Variants in CLHC1 observed in about 807,000 individuals in gnomAD.
CLHC1 encodes the protein clathrin heavy chain linker domain containing 1, also known as clathrin heavy chain linker domain-containing protein 1.
Under a neutral mutation model 69.5 loss-of-function variants are expected in CLHC1, and 72 were observed. The observed-to-expected ratio is 1.04, with a 90% CI of 0.86 to 1.26. The LOEUF (loss-of-function observed/expected upper bound fraction) is 1.26. Among genes scored for constraint, CLHC1 ranks in the 50% most tolerant of loss-of-function variants. The probability of loss-of-function intolerance (pLI) is 0.00; values close to 1 mark genes in which losing one functional copy is unlikely to be tolerated. For synonymous variants in CLHC1, 223 were observed against 224.3 expected (o/e 0.99, Z 0.05); for missense variants, 790 against 679.3 (o/e 1.16, Z -1.81).
At chr2:55,182,553 C>T (rs1255156133) in intron 9 of CLHC1, among the ~76,000 whole-genome samples, 1 of 152,070 alleles carries the variant, frequency 6.6e-6, no homozygotes, top group Non-Finnish European at 1.5e-5. Flanking sequence ...TATCTTATTT[C>T]CTAGATTTTT....
Position 55,222,339 on chromosome 2 carries a change from C to A in CLHC1, c.73G>T (p.Glu25Ter). ...IICRSDKEFLESVQRYIITET... is the reference protein window; with the variant it reads ...IICRSDKEFL ...GTAATTATGTATCTTTGCACACTTT[C>A]CAAAAATTCCTTGTCACTTCTACAA... The change falls in exon 3 of 13, where the codon GAA becomes TAA. Residue 25 changes from glutamate (E) to a stop codon, truncating the protein, a stop_gained. Coordinates refer to ENST00000401408, the MANE Select transcript of CLHC1 (RefSeq NM_152385.4). LOFTEE classifies it high-confidence loss of function. The A allele has an allele frequency of 1.2e-6, 2 of 1,613,770 alleles. No homozygotes were observed. Among genetic ancestry groups the A allele is most frequent in the East Asian group, 2.2e-5 (1 of 44,848 alleles).
At chr2:55,214,141 G>A (rs766772681) in intron 4 of CLHC1, among the ~76,000 whole-genome samples, 8 of 152,186 alleles carry the variant, frequency 5.3e-5, no homozygotes, top group Non-Finnish European at 8.8e-5. Flanking sequence ...AAGGGTTCAG[G>A]AGAGCCTGAG....
At position 55,209,396 on chromosome 2, in the gene CLHC1, T is replaced by C; in HGVS notation, c.814+8A>G. The C allele has an allele frequency of 6.5e-7, 1 of 1,528,978 alleles. No homozygotes were observed. The highest frequency in any genetic ancestry group is 1.4e-5 in the African/African-American group (1 of 72,128). 94.7% of individuals were successfully genotyped at this position (1,528,978 alleles called of 1,614,324 possible). A position where few individuals can be genotyped will look rare whatever the true frequency, so the allele number is the denominator to read the frequency against. ...ATTGGTACTAATTTAAAAATATAGA[T>C]AATCTACCTTGTAAATATTTGGTTT... On this transcript the variant is annotated splice_region_variant and intron_variant, in intron 7 of 12. Transcript: ENST00000401408.
intron 3 of CLHC1, 108 bp from the exon 4 acceptor site, chr2:55,218,106 A>C: frequency 1.8e-6 from 1 of 556,650 alleles, no homozygotes; most frequent in Non-Finnish European, 2.9e-6. Context: ...AAACATGATT[A>C]GCAATTAGAA....
At position 55,175,775 on chromosome 2, in the gene CLHC1, G is replaced by C. The variant is rs568660708; in HGVS notation, c.*15C>G. 6.2e-7 allele frequency: 1 copy of C among 1,603,926 alleles called. No homozygotes were observed. Among genetic ancestry groups the C allele is most frequent in the Non-Finnish European group, 8.5e-7 (1 of 1,171,676 alleles). Reference sequence around the variant, plus strand: ...AGGTGTTGTACAAGCTCCCTCAGCTGGTTAAGATATAGAACTACCAAAACA... The same window carrying C: ...AGGTGTTGTACAAGCTCCCTCAGCTCGTTAAGATATAGAACTACCAAAACA... On this transcript the variant is annotated 3_prime_UTR_variant, in exon 13 of 13. Coordinates refer to ENST00000401408, the MANE Select transcript of CLHC1 (RefSeq NM_152385.4).
At chr2:55,177,460 C>A (rs1387327300) in intron 12 of CLHC1, 142 bp downstream of exon 12, 3 of 480,114 alleles carry the variant, frequency 6.2e-6, no homozygotes, top group Non-Finnish European at 1.1e-5. Flanking sequence ...ACATGGCAAT[C>A]TTTACATTTA....
chr2:55,186,562 T>A (rs1435719080), intron 9 of CLHC1, among the ~76,000 whole-genome samples: 1 of 152,090 alleles, frequency 6.6e-6, no homozygotes, highest in African/African-American at 2.4e-5. Context: ...GAGACCTGCC[T>A]GGGCAACACT....
At chr2:55,231,066 A>G (rs1197792993) in intron 1 of CLHC1, among the ~76,000 whole-genome samples, 1 of 152,164 alleles carries the variant, frequency 6.6e-6, no homozygotes, top group Non-Finnish European at 1.5e-5. Context: ...CCTGGCCAAC[A>G]TGGTGAAACC....
chr2:55,188,164 A>G (rs1670592394), intron 9 of CLHC1, among the ~76,000 whole-genome samples: 1 of 152,084 alleles, frequency 6.6e-6, no homozygotes, highest in Non-Finnish European at 1.5e-5. Context: ...AAATTTTTAA[A>G]TATTAGCCAG....
At chr2:55,181,026 G>C (rs1037921361) in intron 10 of CLHC1, among the ~76,000 whole-genome samples, 3 of 152,048 alleles carry the variant, frequency 2.0e-5, no homozygotes, top group African/African-American at 7.2e-5. Flanking sequence ...TGTCACCCAG[G>C]CTGGAGTGCA....
At chr2:55,217,040 C>T (rs925187357) in intron 4 of CLHC1, among the ~76,000 whole-genome samples, 7 of 151,542 alleles carry the variant, frequency 4.6e-5, no homozygotes, top group African/African-American at 1.7e-4. Flanking sequence ...CAAAAAAATA[C>T]AAAAATTAGC....
intron 3 of CLHC1, among the ~76,000 whole-genome samples, chr2:55,220,096 A>G (rs922649742): frequency 1.2e-4 from 19 of 152,162 alleles, no homozygotes; most frequent in Admixed American, 2.6e-4. Context: ...TCTGCTTACT[A>G]GGTTTTTCAC....
intron 9 of CLHC1, among the ~76,000 whole-genome samples, chr2:55,200,000 G>T (rs141129720): frequency 6.6e-6 from 1 of 152,126 alleles, no homozygotes; most frequent in Admixed American, 6.5e-5. Context: ...AAGGCAGGAG[G>T]ATTACCTGAA....
intron 12 of CLHC1, 132 bp from the exon 13 acceptor site, chr2:55,176,118 T>G: frequency 2.8e-6 from 2 of 722,554 alleles, no homozygotes; most frequent in Non-Finnish European, 4.5e-6. Flanking sequence ...CCCCTAAGAT[T>G]AATGATATAA....
intron 2 of CLHC1, chr2:55,224,499 A>G (rs546429674): frequency 8.4e-6 from 3 of 358,066 alleles, no homozygotes; most frequent in East Asian, 7.6e-5. Flanking sequence ...CTGTGTGGCC[A>G]GTGTACTCGG....
intron 2 of CLHC1, chr2:55,225,579 C>A (rs1437590200): frequency 6.6e-6 from 1 of 152,300 alleles, no homozygotes; most frequent in Non-Finnish European, 1.5e-5. Context: ...ATCTGTCTCC[C>A]CTGACCCCAA....
intron 9 of CLHC1, among the ~76,000 whole-genome samples, chr2:55,203,163 C>A (rs1164110820): frequency 6.6e-6 from 1 of 152,020 alleles, no homozygotes; most frequent in Admixed American, 6.6e-5. Context: ...CTGAAGAGGA[C>A]ACACAAAAAA....
intron 9 of CLHC1, among the ~76,000 whole-genome samples, chr2:55,191,121 A>T (rs1670886155): frequency 6.6e-6 from 1 of 152,230 alleles, no homozygotes; most frequent in African/African-American, 2.4e-5. Context: ...CCTAGTAAAA[A>T]TACCTTTCAA....
rs562209011 is a variant in CLHC1, at chr2:55,223,181, A to G, written c.-82-688T>C. Reference sequence around the variant, plus strand: ...TGACACAAACAAGGTCAACTATTTTACGACCCCGGCGCTTATCTGGCCTAG... The same window carrying G: ...TGACACAAACAAGGTCAACTATTTTGCGACCCCGGCGCTTATCTGGCCTAG... On this transcript the variant is annotated intron_variant, in intron 2 of 12. Transcript: ENST00000401408. Among the ~76,000 whole-genome samples, 457 of 152,230 alleles carry G rather than the reference A, an allele frequency of 3.0e-3. 3 individuals carry two copies. The highest frequency in any genetic ancestry group is 5.0e-3 in the Non-Finnish European group (338 of 68,016).
Sources: allele counts gnomAD v4.1 joint callset (sites outside exome capture counted in the v4.1 genomes callset), GRCh38; gene constraint gnomAD v4.1.1; transcripts MANE v1.5; gene names NCBI Gene and HGNC (gene_info 2026-07-23, HGNC 2026-07-21).